Variants in ZMYM6 observed in about 807,000 individuals in gnomAD.
ZMYM6 encodes zinc finger MYM-type containing 6.
In ZMYM6, 90 loss-of-function variants were observed where a neutral mutation model predicts 134.0. The ratio of observed to expected loss-of-function variants is 0.67; its 90% CI spans 0.57 to 0.80. The LOEUF (loss-of-function observed/expected upper bound fraction) is 0.80, where lower values mean the gene tolerates loss of function less well. Among genes scored for constraint, ZMYM6 ranks in the 30% least tolerant of loss-of-function variants. ZMYM6 has a pLI of 0.00. For missense variants in ZMYM6, 1,362 were observed against 1,533.9 expected (o/e 0.89, Z 1.87); for synonymous variants, 481 against 524.1 (o/e 0.92, Z 1.12).
chr1:35,005,406 T>C, intron 12 of ZMYM6, 134 bp from the exon 13 acceptor site: 1 of 976,234 alleles, frequency 1.0e-6, no homozygotes. Flanking sequence ...TTCTGTATCA[T>C]GTTAGGTTGG....
chr1:35,016,247 C>G (rs1232726970), intron 4 of ZMYM6, among the ~76,000 whole-genome samples: 1 of 152,046 alleles, frequency 6.6e-6, no homozygotes, highest in Admixed American at 6.6e-5. Flanking sequence ...CCGTGTCCAG[C>G]CAAGACAATA....
chr1:34,997,565 A>G (rs566955610), intron 14 of ZMYM6, among the ~76,000 whole-genome samples: 29 of 152,292 alleles, frequency 1.9e-4, no homozygotes, highest in African/African-American at 6.7e-4. Context: ...TCGGCCTCCC[A>G]AAGTGTTGGG....
At position 35,026,171 on chromosome 1, in the gene ZMYM6, C is replaced by A. The variant is rs578229943; in HGVS notation, c.93+4376G>T. Reference sequence around the variant, plus strand: ...GAGTAGCTGGGATGACAGGCGCCCACCACCGCGCCCGGCTAATTGTTGTAT... The same window carrying A: ...GAGTAGCTGGGATGACAGGCGCCCAACACCGCGCCCGGCTAATTGTTGTAT... On this transcript the variant is annotated intron_variant, in intron 2 of 15. Transcript: ENST00000357182. 2.7e-3 allele frequency among the ~76,000 whole-genome samples: 417 copies of A among 152,188 alleles called. 1 individual carries two copies. Among genetic ancestry groups the A allele is most frequent in the African/African-American group, 8.3e-3 (345 of 41,520 alleles).
intron 12 of ZMYM6, 115 bp downstream of exon 12, chr1:35,006,836 A>G: frequency 9.6e-7 from 1 of 1,045,836 alleles, no homozygotes; most frequent in Non-Finnish European, 1.2e-6. Context: ...ATTTAAGGAA[A>G]TTCAGGCTAT....
intron 2 of ZMYM6, among the ~76,000 whole-genome samples, chr1:35,022,554 G>A (rs1448221401): frequency 1.3e-5 from 2 of 152,024 alleles, no homozygotes; most frequent in Non-Finnish European, 2.9e-5. Flanking sequence ...ATGAGCCACC[G>A]CACCCAGCCA....
chr1:35,006,962 G>C lies in ZMYM6; in HGVS notation c.1802C>G (p.Pro601Arg), dbSNP rs765946298. ...CHQQIMNDCLPQNKVNISKAK... is the reference protein window; with the variant it reads ...CHQQIMNDCLRQNKVNISKAK... ...AAGTTTAATTTTACCTTTATTTTGT[G>C]GAAGACAGTCATTCATAATTTGCTG... The change falls in exon 12 of 16, where the codon CCA (proline) becomes CGA (arginine). Residue 601 changes from proline (P) to arginine (R), a missense_variant. Physicochemically the swap from Pro to Arg is moderately radical, Grantham distance 103. Around this residue, in one of 3 missense-constraint regions of ZMYM6, gnomAD observed 824 missense variants for 940.9 expected, o/e 0.88. Coordinates refer to ENST00000357182, the MANE Select transcript of ZMYM6 (RefSeq NM_007167.4). 1.2e-5 allele frequency: 19 copies of C among 1,609,516 alleles called. No homozygotes were observed. Among genetic ancestry groups the C allele is most frequent in the African/African-American group, 1.3e-5 (1 of 74,734 alleles).
chr1:35,010,679 T>A, intron 9 of ZMYM6, 79 bp downstream of exon 9: 1 of 1,543,220 alleles, frequency 6.5e-7, no homozygotes, highest in South Asian at 1.3e-5. Context: ...CAAAGCAAAT[T>A]GAGTGATCAA....
At chr1:35,020,263 T>C in intron 3 of ZMYM6, 120 bp downstream of exon 3, 1 of 852,728 alleles carries the variant, frequency 1.2e-6, no homozygotes, top group Non-Finnish European at 1.7e-6. Flanking sequence ...CTACTCACAG[T>C]TTGAAAAAAC....
rs961739990 is a variant in ZMYM6, at chr1:35,000,588, T to C, written c.1992+3380A>G. Among the ~76,000 whole-genome samples the C allele has an allele frequency of 2.0e-5, 3 of 152,218 alleles. No individual in the cohort carries two copies. In the East Asian group the frequency reaches 5.8e-4, roughly 29 times the overall value. On this transcript the variant is annotated intron_variant, in intron 14 of 15. Coordinates refer to ENST00000357182, the MANE Select transcript of ZMYM6 (RefSeq NM_007167.4). ...CTGGAAACGATCTAATGTTCATCAA[T>C]AGGACAATGGATAAATAAAATGTGG...
In ZMYM6 at chr1:34,987,078, T is replaced by G; in HGVS notation, c.*26A>C. 6.9e-7 allele frequency: 1 copy of G among 1,439,388 alleles called. No individual in the cohort carries two copies. The allele number at this position is 1,439,388 out of a possible 1,614,324, so 89.2% of individuals were successfully genotyped here. A position where few individuals can be genotyped will look rare whatever the true frequency, so the allele number is the denominator to read the frequency against. On this transcript the variant is annotated 3_prime_UTR_variant, in exon 16 of 16. Coordinates refer to ENST00000357182, the MANE Select transcript of ZMYM6 (RefSeq NM_007167.4). ...CAAAACTTAACACAGGATTATTGAC[T>G]TCACTGTTAAGCAATGTGCATATTG... is the stretch of plus-strand genomic sequence containing the variant.
intron 14 of ZMYM6, among the ~76,000 whole-genome samples, chr1:34,998,610 G>A (rs1186367687): frequency 1.3e-5 from 2 of 151,888 alleles, no homozygotes; most frequent in South Asian, 2.1e-4. Context: ...CTAAGGAGGC[G>A]GTAATGGAGG....
chr1:35,016,217 G>A (rs1641185954), intron 4 of ZMYM6, among the ~76,000 whole-genome samples: 1 of 152,034 alleles, frequency 6.6e-6, no homozygotes, highest in Admixed American at 6.5e-5. Context: ...CCAAAGTGTT[G>A]GGATTACAGG....
chr1:35,028,273 G>A lies in ZMYM6; in HGVS notation c.93+2274C>T, dbSNP rs556836525. On this transcript the variant is annotated intron_variant, in intron 2 of 15. Coordinates refer to ENST00000357182, the MANE Select transcript of ZMYM6 (RefSeq NM_007167.4). Reference sequence around the variant, plus strand: ...GGAGGTTGCAGTGAGCCAAGATCGCGCCACTGCACTCCAGCCTGGGAGTGA... The same window carrying A: ...GGAGGTTGCAGTGAGCCAAGATCGCACCACTGCACTCCAGCCTGGGAGTGA... 8.2e-5 allele frequency among the ~76,000 whole-genome samples: 12 copies of A among 147,200 alleles called. No homozygotes were observed. In the South Asian group the frequency reaches 2.2e-3, roughly 27 times the overall value.
chr1:35,012,659 G>T, intron 6 of ZMYM6, 78 bp from the exon 7 acceptor site: 2 of 1,552,310 alleles, frequency 1.3e-6, no homozygotes, highest in Non-Finnish European at 1.7e-6. Context: ...AAAAAGAAAA[G>T]CTACCTACAA....
At chr1:35,029,538 A>G (rs61586503) in intron 2 of ZMYM6, among the ~76,000 whole-genome samples, 2,670 of 152,292 alleles carry the variant, frequency 0.018, 91 homozygotes, top group African/African-American at 0.062. Flanking sequence ...TATACTACAT[A>G]CTGATATACT....
intron 1 of ZMYM6, 24 bp from the exon 2 acceptor site, chr1:35,030,737 T>A: frequency 8.3e-7 from 1 of 1,201,736 alleles, no homozygotes; most frequent in Non-Finnish European, 1.2e-6. Flanking sequence ...TCAGGCTTAT[T>A]CTTTTTTCTT....
At chr1:35,003,839 G>A in intron 14 of ZMYM6, 129 bp downstream of exon 14, 2 of 763,118 alleles carry the variant, frequency 2.6e-6, no homozygotes, top group Non-Finnish European at 4.4e-6. Flanking sequence ...TTGTGCCCAA[G>A]ACCTAGATTA....
intron 14 of ZMYM6, among the ~76,000 whole-genome samples, chr1:35,001,629 G>A (rs1640883209): frequency 6.6e-6 from 1 of 152,050 alleles, no homozygotes; most frequent in Non-Finnish European, 1.5e-5. Flanking sequence ...ATACAATTGT[G>A]TGGTTAATAA....
At chr1:35,031,693 G>A (rs1641529496) in intron 1 of ZMYM6, 122 bp downstream of exon 1, 1 of 152,266 alleles carries the variant, frequency 6.6e-6, no homozygotes, top group Non-Finnish European at 1.5e-5. Flanking sequence ...GCGTCCCTAA[G>A]GCGATATCCG....
Sources: gnomAD v4.1 joint callset for allele counts (sites outside exome capture counted in the v4.1 genomes callset) on GRCh38, gnomAD v4.1.1 for gene constraint, gnomAD v4.1.1 regional missense constraint, MANE v1.5 for transcripts, NCBI Gene and HGNC (gene_info 2026-07-23, HGNC 2026-07-21) for gene names.